Variants in LRP1B observed in about 807,000 individuals in gnomAD.
LRP1B encodes the protein LDL receptor related protein 1B.
In LRP1B, 217 loss-of-function variants were observed where a neutral mutation model predicts 556.6. That is an observed-to-expected ratio of 0.39 (90% CI 0.35 to 0.44). The LOEUF is 0.44. Among genes scored for constraint, LRP1B ranks in the 20% least tolerant of loss-of-function variants. The pLI, the probability that LRP1B is intolerant of heterozygous loss-of-function variation, is 1.00. For missense variants in LRP1B, 5,053 were observed against 5,620.8 expected, an observed-to-expected ratio of 0.90 and a Z score of 3.23; for synonymous variants, 2,047 against 1,865.8, an observed-to-expected ratio of 1.10 and a Z score of -2.50.
At chr2:141,155,064 T>C (rs1385911741) in intron 7 of LRP1B, among the ~76,000 whole-genome samples, 1 of 151,894 alleles carries the variant, frequency 6.6e-6, no homozygotes, top group Non-Finnish European at 1.5e-5. Flanking sequence ...GTATAAAAAT[T>C]CATAGGAAAA....
At chr2:140,899,830 A>C (rs557961166) in intron 23 of LRP1B, among the ~76,000 whole-genome samples, 1 of 152,312 alleles carries the variant, frequency 6.6e-6, no homozygotes, top group East Asian at 1.9e-4. Context: ...AACACTTATA[A>C]GATAAAAGTC....
At chr2:140,372,256 A>G (rs1351887729) in intron 69 of LRP1B, among the ~76,000 whole-genome samples, 1 of 152,088 alleles carries the variant, frequency 6.6e-6, no homozygotes, top group Non-Finnish European at 1.5e-5. Flanking sequence ...GGAGTCTAAT[A>G]ACATGTCTGT....
intron 1 of LRP1B, among the ~76,000 whole-genome samples, chr2:141,894,931 C>A (rs1216582312): frequency 6.6e-6 from 1 of 151,074 alleles, no homozygotes; most frequent in Non-Finnish European, 1.5e-5. Context: ...GCCTGTAATC[C>A]CAGCTACTTG....
chr2:140,500,826 G>A (rs778109680), intron 55 of LRP1B, among the ~76,000 whole-genome samples: 13 of 151,746 alleles, frequency 8.6e-5, no homozygotes, highest in Non-Finnish European at 1.3e-4. Flanking sequence ...CAGTACCCCC[G>A]GGCAGAACTC....
At chr2:140,733,906 A>C (rs899341605) in intron 35 of LRP1B, among the ~76,000 whole-genome samples, 2 of 152,228 alleles carry the variant, frequency 1.3e-5, no homozygotes, top group Admixed American at 6.5e-5. Flanking sequence ...TCCTAATCAA[A>C]TCACCTATGG....
chr2:141,073,037 A>T (rs1279836739), intron 7 of LRP1B, among the ~76,000 whole-genome samples: 1 of 152,084 alleles, frequency 6.6e-6, no homozygotes, highest in East Asian at 1.9e-4. Context: ...TATTCAGCAC[A>T]CGAATTTGCT....
intron 5 of LRP1B, among the ~76,000 whole-genome samples, chr2:141,244,098 T>G (rs1019222221): frequency 2.6e-5 from 4 of 152,194 alleles, no homozygotes; most frequent in Admixed American, 6.5e-5. Flanking sequence ...CTGTTCTATG[T>G]TGCACTAGTT....
At chr2:140,498,098 A>G (rs984138805) in intron 55 of LRP1B, among the ~76,000 whole-genome samples, 2 of 151,892 alleles carry the variant, frequency 1.3e-5, no homozygotes, top group African/African-American at 2.4e-5. Flanking sequence ...TTGCATTTTC[A>G]AAGACATTTT....
chr2:141,798,556 A>T (rs1574372423), intron 2 of LRP1B, among the ~76,000 whole-genome samples: 2 of 151,838 alleles, frequency 1.3e-5, no homozygotes, highest in East Asian at 3.9e-4. Flanking sequence ...AAAATACAAA[A>T]ATTAGCTGGG....
At chr2:140,634,515 TC>T (rs945925501) in intron 41 of LRP1B, among the ~76,000 whole-genome samples, 4 of 152,088 alleles carry the variant, frequency 2.6e-5, no homozygotes, top group Non-Finnish European at 4.4e-5. Context: ...AATAATGACT[TC>T]CTTCCAAAGT....
chr2:141,669,605 G>A lies in LRP1B; in HGVS notation c.205+140674C>T, dbSNP rs990435947. ...TTCATTGCAATTATTTATTTGCACA[G>A]TGACAGTCAGGCCAAACTTAACAAT... On this transcript the variant is annotated intron_variant, in intron 2 of 90. Coordinates refer to ENST00000389484, the MANE Select transcript of LRP1B (RefSeq NM_018557.3). Among the ~76,000 whole-genome samples the A allele has an allele frequency of 3.3e-5, 5 of 152,124 alleles. 1 individual carries two copies. Among genetic ancestry groups the A allele is most frequent in the Admixed American group, 2.6e-4 (4 of 15,280 alleles).
chr2:141,146,353 G>T (rs1173311825), intron 7 of LRP1B, among the ~76,000 whole-genome samples: 1 of 152,044 alleles, frequency 6.6e-6, no homozygotes. Flanking sequence ...TAATATGTTT[G>T]GAGGGAAATC....
intron 1 of LRP1B, among the ~76,000 whole-genome samples, chr2:142,065,978 T>C (rs906523759): frequency 4.0e-5 from 6 of 151,222 alleles, no homozygotes; most frequent in Non-Finnish European, 8.9e-5. Context: ...AACAATTTGC[T>C]CCCAAAGTAT....
chr2:141,900,904 T>C (rs1699599812), intron 1 of LRP1B, among the ~76,000 whole-genome samples: 2 of 151,956 alleles, frequency 1.3e-5, no homozygotes, highest in African/African-American at 4.8e-5. Context: ...GTCCAAAAAC[T>C]ATTCCTTAAG....
chr2:142,089,088 G>A (rs2104945974), intron 1 of LRP1B, among the ~76,000 whole-genome samples: 1 of 151,894 alleles, frequency 6.6e-6, no homozygotes, highest in African/African-American at 2.4e-5. Flanking sequence ...ACCCTTCTAG[G>A]CACTGGAAAT....
chr2:140,302,482 G>A (rs1001540918), intron 83 of LRP1B, among the ~76,000 whole-genome samples: 36 of 152,292 alleles, frequency 2.4e-4, no homozygotes, highest in Non-Finnish European at 2.1e-4. Context: ...TTAGCAAAGT[G>A]CTTTGCTAGA....
rs1689491189 is a variant in LRP1B, at chr2:140,776,160, A to G, written c.5438T>C (p.Ile1813Thr). The G allele has an allele frequency of 6.3e-7, 1 of 1,597,332 alleles. No homozygotes were observed. The highest frequency in any genetic ancestry group is 8.5e-7 in the Non-Finnish European group (1 of 1,172,914). ...TACCCCAGAAGTCTTATTCCGTAGG[A>G]TGGTGGGGTTTCTTCCGTCTCTTTT... Reference protein sequence around the residue: ...CSKRDGRNPTILRNKTSGVVH... With the variant: ...CSKRDGRNPTTLRNKTSGVVH... Residue 1813 changes from isoleucine to threonine, a missense_variant, in exon 33 of 91, where the codon ATC (isoleucine) becomes ACC (threonine). By Grantham distance (89) the Ile-to-Thr change is moderately conservative. This residue lies in a region of LRP1B where 3,619 missense variants were observed against 3,931.9 expected (regional missense o/e 0.92). Transcript: ENST00000389484.
intron 35 of LRP1B, among the ~76,000 whole-genome samples, chr2:140,719,878 A>G (rs1176330930): frequency 6.6e-6 from 1 of 152,054 alleles, no homozygotes; most frequent in Non-Finnish European, 1.5e-5. Context: ...TTTTTCACAT[A>G]TATGTTGTAT....
chr2:140,559,223 G>A (rs1365428110), intron 43 of LRP1B, among the ~76,000 whole-genome samples: 2 of 151,258 alleles, frequency 1.3e-5, no homozygotes, highest in Non-Finnish European at 2.9e-5. Flanking sequence ...TTTAACAACC[G>A]AAAATTTCCA....
Sources: allele counts gnomAD v4.1 joint callset (sites outside exome capture counted in the v4.1 genomes callset), GRCh38; gene constraint gnomAD v4.1.1; regional missense constraint gnomAD v4.1.1; transcripts MANE v1.5; gene names NCBI Gene and HGNC (gene_info 2026-07-23, HGNC 2026-07-21).